PTPN9: variants seen among roughly 807,000 people sequenced by gnomAD.
PTPN9 encodes protein tyrosine phosphatase non-receptor type 9.
In PTPN9, 26 loss-of-function variants were observed where a neutral mutation model predicts 69.8. That is an observed-to-expected ratio of 0.37 (90% CI 0.27 to 0.52). The LOEUF (loss-of-function observed/expected upper bound fraction) is 0.52, where lower values mean the gene tolerates loss of function less well. PTPN9 is among the 20% of genes least tolerant of loss of function. PTPN9 has a pLI of 0.91. For missense variants in PTPN9, 549 were observed against 740.3 expected (o/e 0.74, Z 3.00); for synonymous variants, 274 against 272.5 (o/e 1.01, Z -0.05).
intron 9 of PTPN9, among the ~76,000 whole-genome samples, chr15:75,477,479 C>G (rs1408106408): frequency 1.3e-5 from 2 of 152,116 alleles, no homozygotes; most frequent in Admixed American, 1.3e-4. Flanking sequence ...CCTGTAATCC[C>G]AGCTACTTGG....
intron 4 of PTPN9, among the ~76,000 whole-genome samples, chr15:75,520,821 T>G (rs1331377788): frequency 6.6e-6 from 1 of 152,038 alleles, no homozygotes; most frequent in East Asian, 1.9e-4. Context: ...TATATATTTT[T>G]AAGACAGCAT....
chr15:75,555,129 A>C (rs2075071457), intron 1 of PTPN9, among the ~76,000 whole-genome samples: 1 of 152,214 alleles, frequency 6.6e-6, no homozygotes, highest in African/African-American at 2.4e-5. Context: ...ATCATGATAA[A>C]TGCTAGTCTT....
chr15:75,551,535 T>C (rs918770988), intron 1 of PTPN9, among the ~76,000 whole-genome samples: 1 of 152,154 alleles, frequency 6.6e-6, no homozygotes, highest in African/African-American at 2.4e-5. Flanking sequence ...AATTTTTCTA[T>C]TTTTAGTAAA....
At chr15:75,504,746 T>C (rs1248714517) in intron 7 of PTPN9, among the ~76,000 whole-genome samples, 2 of 138,334 alleles carry the variant, frequency 1.4e-5, no homozygotes, top group Non-Finnish European at 3.1e-5. Context: ...CCGCCCCTAC[T>C]GGGAAGTGAG....
At chr15:75,573,374 T>C (rs2075157677) in intron 1 of PTPN9, among the ~76,000 whole-genome samples, 1 of 152,182 alleles carries the variant, frequency 6.6e-6, no homozygotes, top group Non-Finnish European at 1.5e-5. Context: ...AAAAACATCA[T>C]ATTTGTCCTC....
At position 75,578,935 on chromosome 15, in the gene PTPN9, C is replaced by CGCTTCT; in HGVS notation, c.-165_-160dup. On this transcript the variant is annotated 5_prime_UTR_variant, in exon 1 of 13. Transcript: ENST00000618819. ...CGGCGCCTGCAGCGGCCGCAAACGC[C>CGCTTCT]GCTTCTGCTTCCTTAAGAAAAATCT... 6.0e-6 allele frequency: 2 copies of CGCTTCT among 331,268 alleles called. No homozygotes were observed. The highest frequency in any genetic ancestry group is 1.0e-5 in the Non-Finnish European group (2 of 191,572). 20.5% of individuals were successfully genotyped at this position (331,268 alleles called of 1,614,324 possible).
Position 75,464,899 on chromosome 15 carries a change from C to T in PTPN9, c.*3870G>A, listed in dbSNP as rs1448981240. The T allele has an allele frequency of 6.6e-6, 1 of 152,100 alleles. No homozygotes were observed. The highest frequency in any genetic ancestry group is 1.5e-5 in the Non-Finnish European group (1 of 68,032). The allele number at this position is 152,100 out of a possible 1,614,324, so 9.4% of individuals were successfully genotyped here. A position where few individuals can be genotyped will look rare whatever the true frequency, so the allele number is the denominator to read the frequency against. On this transcript the variant is annotated 3_prime_UTR_variant, in exon 13 of 13. Coordinates refer to ENST00000618819, the MANE Select transcript of PTPN9 (RefSeq NM_002833.4). ...AGGCTGAGGATGCTGGGGCACCCTT[C>T]GTCTCAGGAGTCCCATCCTAGCCAA...
At chr15:75,507,089 T>C (rs1474086844) in intron 6 of PTPN9, among the ~76,000 whole-genome samples, 2 of 152,214 alleles carry the variant, frequency 1.3e-5, no homozygotes. Context: ...CATGCATGTA[T>C]AATTCCTATA....
At chr15:75,577,308 A>G (rs1401945358) in intron 1 of PTPN9, among the ~76,000 whole-genome samples, 1 of 152,234 alleles carries the variant, frequency 6.6e-6, no homozygotes, top group Non-Finnish European at 1.5e-5. Flanking sequence ...GGATGAAAGA[A>G]AGAGATTTTG....
chr15:75,477,833 CTTTT>C (rs1196645006), intron 9 of PTPN9, among the ~76,000 whole-genome samples: 12 of 91,832 alleles, frequency 1.3e-4, no homozygotes, highest in Admixed American at 4.1e-4. Flanking sequence ...ATCAGATACT[CTTTT>C]TTTTTTTTTT....
chr15:75,494,428 C>A (rs2074728505), intron 7 of PTPN9, among the ~76,000 whole-genome samples: 1 of 152,034 alleles, frequency 6.6e-6, no homozygotes, highest in Non-Finnish European at 1.5e-5. Context: ...TCTTGGCTCA[C>A]TGCAACCTCC....
Position 75,469,694 on chromosome 15 carries a change from G to A in PTPN9, c.1567+98C>T, listed in dbSNP as rs2074553642. The A allele has an allele frequency of 2.2e-6, 3 of 1,344,094 alleles. No homozygotes were observed. In the South Asian group the frequency reaches 3.7e-5, roughly 17 times the overall value. 83.3% of individuals were successfully genotyped at this position (1,344,094 alleles called of 1,614,324 possible). On this transcript the variant is annotated intron_variant, in intron 12 of 12. Coordinates refer to ENST00000618819, the MANE Select transcript of PTPN9 (RefSeq NM_002833.4). ...AATTCACCACCAAGGGAGCAAGTGA[G>A]TTCCTTCTCCAATCACAGATGTGGG...
At chr15:75,577,991 T>C (rs1418001740) in intron 1 of PTPN9, among the ~76,000 whole-genome samples, 1 of 152,146 alleles carries the variant, frequency 6.6e-6, no homozygotes, top group Non-Finnish European at 1.5e-5. Context: ...AGCAAACCAC[T>C]TCCTTCTGAA....
rs187944276 is a variant in PTPN9 at position 75,489,055 on chromosome 15, G to A, written c.1062+1153C>T. Among the ~76,000 whole-genome samples, 1,196 of 151,338 alleles carry A rather than the reference G, an allele frequency of 7.9e-3. 20 individuals are homozygous for A. The highest frequency in any genetic ancestry group is 0.027 in the African/African-American group (1,133 of 41,208). On this transcript the variant is annotated intron_variant, in intron 8 of 12. Transcript: ENST00000618819. ...CCGGGCGTGGTGGTGGGCACCTGTA[G>A]TCCCAGCTACTCGGGAGGCTGAGGC...
intron 6 of PTPN9, among the ~76,000 whole-genome samples, chr15:75,506,628 G>A (rs755157217): frequency 4.6e-5 from 7 of 152,056 alleles, no homozygotes; most frequent in Non-Finnish European, 1.0e-4. Flanking sequence ...TTCCACCTCA[G>A]CCCCTCAAGT....
intron 1 of PTPN9, among the ~76,000 whole-genome samples, chr15:75,554,973 A>G (rs1046212233): frequency 1.3e-5 from 2 of 152,194 alleles, no homozygotes; most frequent in African/African-American, 4.8e-5. Context: ...GTTTCATTCA[A>G]TACTCCCTTG....
In PTPN9 at chr15:75,530,639, ACT is replaced by A. The variant is rs1368731684; in HGVS notation, c.64-3380_64-3379del. Among the ~76,000 whole-genome samples, 80 of 59,634 alleles carry A rather than the reference ACT, an allele frequency of 1.3e-3. 18 individuals carry two copies. Among genetic ancestry groups the A allele is most frequent in the African/African-American group, 7.9e-3 (73 of 9,184 alleles). 39.1% of individuals were successfully genotyped at this position (59,634 alleles called of 152,430 possible). ...AATATATATTATTATATTATAATATACTATAATATATATTATTATATAATATA... is the reference window on the plus strand; with the variant it reads ...AATATATATTATTATATTATAATATAATAATATATATTATTATATAATATA... On this transcript the variant is annotated intron_variant, in intron 1 of 12. Coordinates refer to ENST00000618819, the MANE Select transcript of PTPN9 (RefSeq NM_002833.4).
intron 4 of PTPN9, among the ~76,000 whole-genome samples, chr15:75,520,602 C>T (rs2074899168): frequency 6.6e-6 from 1 of 151,756 alleles, no homozygotes; most frequent in African/African-American, 2.4e-5. Context: ...ACTGCAACCT[C>T]CGCCCAAGTT....
intron 7 of PTPN9, among the ~76,000 whole-genome samples, chr15:75,500,870 G>A (rs1298205988): frequency 6.6e-6 from 1 of 151,944 alleles, no homozygotes; most frequent in South Asian, 2.1e-4. Context: ...CTGGGGGACA[G>A]AGCAAGACCC....
Sources: gnomAD v4.1 joint callset for allele counts (sites outside exome capture counted in the v4.1 genomes callset) on GRCh38, gnomAD v4.1.1 for gene constraint, MANE v1.5 for transcripts, NCBI Gene and HGNC (gene_info 2026-07-23, HGNC 2026-07-21) for gene names.